CD300C: variants seen among roughly 807,000 people sequenced by gnomAD.
The protein encoded by CD300C is CMRF35-like molecule 6.
In CD300C, 11 loss-of-function variants were observed where a neutral mutation model predicts 18.4. The observed-to-expected ratio is 0.60, with a 90% CI of 0.38 to 0.99. The LOEUF is 0.99. Among genes scored for constraint, CD300C ranks in the 50% least tolerant of loss-of-function variants. The probability of loss-of-function intolerance (pLI) is 0.01; values close to 1 mark genes in which losing one functional copy is unlikely to be tolerated. For synonymous variants in CD300C, 116 were observed against 116.3 expected (o/e 1.00, Z 0.02); for missense variants, 277 against 287.4 (o/e 0.96, Z 0.26).
downstream of CD300C, among the ~76,000 whole-genome samples, chr17:74,538,354 G>A (rs1243485304): frequency 6.6e-6 from 1 of 152,182 alleles, no homozygotes; most frequent in East Asian, 1.9e-4. Context: ...AGCTCCAGGA[G>A]GATCAGGAGC....
downstream of CD300C, among the ~76,000 whole-genome samples, chr17:74,539,325 C>T (rs1365359960): frequency 1.3e-5 from 2 of 152,080 alleles, no homozygotes; most frequent in East Asian, 1.9e-4. Context: ...CTGATGCCCC[C>T]GACTCACATC....
At chr17:74,537,606 G>A (rs890148551), downstream of CD300C, among the ~76,000 whole-genome samples, 28 of 147,480 alleles carry the variant, frequency 1.9e-4, no homozygotes, top group African/African-American at 6.3e-4. Flanking sequence ...TCCAGCCTGG[G>A]TGAAAGAGTG....
downstream of CD300C, among the ~76,000 whole-genome samples, chr17:74,539,128 C>T (rs1219933716): frequency 6.6e-6 from 1 of 152,188 alleles, no homozygotes; most frequent in Non-Finnish European, 1.5e-5. Context: ...TTCCTTGACT[C>T]TCCCAACCCT....
At chr17:74,541,905 C>T (rs773006208) in intron 3 of CD300C, among the ~76,000 whole-genome samples, 169 bp from the exon 4 acceptor site, 3 of 152,120 alleles carry the variant, frequency 2.0e-5, no homozygotes, top group South Asian at 2.1e-4. Flanking sequence ...CCCTCAGCCT[C>T]GGATTTACCC....
At chr17:74,538,859 T>G (rs1908456179), downstream of CD300C, among the ~76,000 whole-genome samples, 1 of 152,218 alleles carries the variant, frequency 6.6e-6, no homozygotes, top group South Asian at 2.1e-4. Context: ...TTATGGTTGT[T>G]GAGCGGCGGC....
intron 2 of CD300C, among the ~76,000 whole-genome samples, chr17:74,544,384 C>G (rs1467713624): frequency 6.6e-6 from 1 of 151,688 alleles, no homozygotes; most frequent in African/African-American, 2.4e-5. Flanking sequence ...CGCCCACCCT[C>G]CCAACACACA....
downstream of CD300C, among the ~76,000 whole-genome samples, chr17:74,539,184 A>G (rs552405343): frequency 2.0e-5 from 3 of 152,288 alleles, no homozygotes; most frequent in African/African-American, 7.2e-5. Context: ...CAATAGCACC[A>G]GAGGCCGAGC....
intron 1 of CD300C, among the ~76,000 whole-genome samples, chr17:74,545,183 T>C (rs918186288): frequency 1.3e-5 from 2 of 152,086 alleles, no homozygotes; most frequent in Non-Finnish European, 2.9e-5. Flanking sequence ...ACTGGGTGTG[T>C]GCGGGCCTGT....
intron 2 of CD300C, 122 bp from the exon 3 acceptor site, chr17:74,543,109 T>C: frequency 7.4e-7 from 1 of 1,351,740 alleles, no homozygotes; most frequent in Non-Finnish European, 1.0e-6. Context: ...ATGCCCTGCA[T>C]CCATCATGCC....
intron 2 of CD300C, among the ~76,000 whole-genome samples, chr17:74,544,067 G>T (rs1908658095): frequency 6.6e-6 from 1 of 152,184 alleles, no homozygotes; most frequent in African/African-American, 2.4e-5. Flanking sequence ...GGGCTGTGAG[G>T]CTGCGGCCTC....
At chr17:74,536,242 T>G (rs1358776329), downstream of CD300C, among the ~76,000 whole-genome samples, 1 of 152,148 alleles carries the variant, frequency 6.6e-6, no homozygotes, top group Non-Finnish European at 1.5e-5. Flanking sequence ...ATAAAGCCAA[T>G]AGCCCAGGAA....
downstream of CD300C, among the ~76,000 whole-genome samples, chr17:74,536,715 A>T (rs1302129718): frequency 2.0e-5 from 3 of 152,212 alleles, no homozygotes; most frequent in African/African-American, 7.2e-5. Flanking sequence ...TAACTTGAAC[A>T]AATTTAGAAA....
chr17:74,538,563 A>G (rs951171145), downstream of CD300C, among the ~76,000 whole-genome samples: 1 of 152,168 alleles, frequency 6.6e-6, no homozygotes, highest in Non-Finnish European at 1.5e-5. Context: ...CACCCTAAGA[A>G]TTGCCTTGAG....
In CD300C at chr17:74,544,613, G is replaced by A. The variant is rs944815734; in HGVS notation, c.396C>T (p.Phe132=). 1.9e-6 allele frequency: 3 copies of A among 1,608,810 alleles called. No homozygotes were observed. Among genetic ancestry groups the A allele is most frequent in the Admixed American group, 1.7e-5 (1 of 59,930 alleles). Residue 132 remains phenylalanine, a synonymous_variant, in exon 2 of 4, where the codon TTC becomes TTT. Coordinates refer to ENST00000330793, the MANE Select transcript of CD300C (RefSeq NM_006678.5). ...CTGAGAAAAGGAGGGGCTCACCCGG[G>A]AACACGGACACCTCAACCTCGACAA... ...DPIVEVEVSV[F]PAGTTTASSP...
rs534598644 is a variant in CD300C, at chr17:74,545,760, G to A, written c.23C>T (p.Ser8Leu). The change falls in exon 1 of 4, where the codon TCG (serine) becomes TTG (leucine). Residue 8 changes from serine to leucine, a missense_variant. Ser to Leu is a moderately radical substitution (Grantham distance 145). Transcript: ENST00000330793. ...GAGGAGCAGAGCTGAAGACCGCCAC[G>A]AGGCCCAGGCCCTGGCAGTCATTCC... Reference protein sequence around the residue: MTARAWASWRSSALLLLL... With the variant: MTARAWALWRSSALLLLL... The A allele has an allele frequency of 3.5e-5, 56 of 1,609,322 alleles. No homozygotes were observed. The highest frequency in any genetic ancestry group is 5.3e-5 in the African/African-American group (4 of 74,854).
intron 2 of CD300C, 100 bp downstream of exon 2, chr17:74,544,509 C>T (rs957469236): frequency 6.0e-6 from 8 of 1,341,306 alleles, no homozygotes; most frequent in Non-Finnish European, 8.2e-6. Context: ...GACTCACCAA[C>T]CCCCAGGCTC....
intron 3 of CD300C, 43 bp downstream of exon 3, chr17:74,542,818 G>A (rs750016593): frequency 1.3e-6 from 2 of 1,575,328 alleles, no homozygotes; most frequent in African/African-American, 1.4e-5. Flanking sequence ...CACGCAGTGG[G>A]GAGGCCGCCA....
At position 74,544,597 on chromosome 17, in the gene CD300C, G is replaced by C. The variant is rs775297353; in HGVS notation, c.400+12C>G. 7 of 1,602,520 alleles carry C rather than the reference G, an allele frequency of 4.4e-6. No individual in the cohort carries two copies. The South Asian group carries it at 6.7e-5, about 15-fold the overall frequency. On this transcript the variant is annotated intron_variant, in intron 2 of 3. Transcript: ENST00000330793. ...TCAGGCAGGCCTGGTGCTGAGAAAA[G>C]GAGGGGCTCACCCGGGAACACGGAC...
At chr17:74,540,357 T>C (rs1319524355), downstream of CD300C, among the ~76,000 whole-genome samples, 3 of 152,230 alleles carry the variant, frequency 2.0e-5, no homozygotes, top group Non-Finnish European at 4.4e-5. Context: ...ACCTCTGTCT[T>C]TTACATTACC....
Sources: gnomAD v4.1 joint callset for allele counts (sites outside exome capture counted in the v4.1 genomes callset) on GRCh38, gnomAD v4.1.1 for gene constraint, MANE v1.5 for transcripts, NCBI Gene and HGNC (gene_info 2026-07-23, HGNC 2026-07-21) for gene names.